Variants in TNXB observed in about 807,000 individuals in gnomAD.
The protein encoded by TNXB is tenascin-X.
Under a neutral mutation model 340.5 loss-of-function variants are expected in TNXB, and 183 were observed. The observed-to-expected ratio is 0.54, with a 90% confidence interval of 0.48 to 0.61. The LOEUF (loss-of-function observed/expected upper bound fraction) is 0.61, where lower values mean the gene tolerates loss of function less well. Ranked by LOEUF, TNXB falls within the 20% of genes least tolerant of loss-of-function variation. The pLI, the probability that TNXB is intolerant of heterozygous loss-of-function variation, is 0.00. For missense variants in TNXB, 4,613 were observed against 5,446.4 expected, an observed-to-expected ratio of 0.85 and a Z score of 4.82; for synonymous variants, 2,121 against 2,314.5, an observed-to-expected ratio of 0.92 and a Z score of 2.40.
In TNXB at chr6:32,069,664, G is replaced by C; in HGVS notation, c.5476C>G (p.Leu1826Val). ...AGGCCCGGCACGCTGACCTCCCTGA[G>C]GCTGCCCTCCACGGGCACCACCTGG... ...QPQVVPVEGS[L>V]REVSVPGLDP... The change falls in exon 15 of 44, where the codon CTC (leucine) becomes GTC (valine). Residue 1826 changes from leucine (L) to valine (V), a missense_variant. Leu to Val is a conservative substitution (Grantham distance 32, BLOSUM62 1). This residue lies in a region of TNXB where 4,327 missense variants were observed against 4,859.4 expected (regional missense o/e 0.89). Transcript: ENST00000644971. The surrounding 1 kb of genome is among the most constrained non-coding windows in gnomAD (Gnocchi z 6.2). 1 of 1,613,144 alleles carries C rather than the reference G, an allele frequency of 6.2e-7. No individual in the cohort carries two copies. The highest frequency in any genetic ancestry group is 8.5e-7 in the Non-Finnish European group (1 of 1,179,630).
chr6:32,048,948 T>A (rs1408582496), intron 28 of TNXB, among the ~76,000 whole-genome samples: 1 of 152,188 alleles, frequency 6.6e-6, no homozygotes, highest in Admixed American at 6.5e-5. Context: ...CATGCAGATC[T>A]GGGCAGCTGG....
In TNXB at chr6:32,107,770, ATGGGGGTTC is replaced by A. The variant is rs1303167823; in HGVS notation, c.-9+1402_-9+1410del. 5.3e-5 allele frequency among the ~76,000 whole-genome samples: 8 copies of A among 151,934 alleles called. 1 individual carries two copies. The highest frequency in any genetic ancestry group is 5.2e-4 in the Admixed American group (8 of 15,244). On this transcript the variant is annotated intron_variant, in intron 1 of 43. Coordinates refer to ENST00000644971, the MANE Select transcript of TNXB (RefSeq NM_001365276.2). ...GGCTTCCATAAAAGATGTTCCACAG[ATGGGGGTTC>A]TGGTCCTGCCCCCATGCCTCCCTCT...
At chr6:32,098,252 C>T in intron 1 of TNXB, 46 bp from the exon 2 acceptor site, 1 of 1,412,202 alleles carries the variant, frequency 7.1e-7, no homozygotes. Context: ...AAAAAGGAGA[C>T]AAAATGAATC....
Position 32,084,454 on chromosome 6 carries a change from C to T in TNXB, c.3404G>A (p.Gly1135Asp). 3.1e-6 allele frequency: 5 copies of T among 1,598,344 alleles called. No homozygotes were observed. Among genetic ancestry groups the T allele is most frequent in the Non-Finnish European group, 3.4e-6 (4 of 1,171,144 alleles). ...KYKFVLYGFV[G>D]KKRHGPLVAE... is the part of the protein sequence containing the mutation. Reference sequence around the variant, plus strand: ...CACCAGCGGACCATGCCTCTTCTTGCCAACAAACCCATACAGGACAAATTT... The same window carrying T: ...CACCAGCGGACCATGCCTCTTCTTGTCAACAAACCCATACAGGACAAATTT... Residue 1135 changes from glycine to aspartate, a missense_variant, in exon 8 of 44, where the codon GGC (glycine) becomes GAC (aspartate). Gly to Asp is a moderately conservative substitution (Grantham distance 94, BLOSUM62 -1). Around this residue, in one of 7 missense-constraint regions of TNXB, gnomAD observed 4,327 missense variants for 4,859.4 expected, o/e 0.89. Transcript: ENST00000644971. The surrounding 1 kb of genome is among the most constrained non-coding windows in gnomAD (Gnocchi z 5.5).
rs763079484 is a variant in TNXB at position 32,097,147 on chromosome 6, G to A, written c.706C>T (p.Arg236Trp). ...GRCVQGVCVC[R>W]AGFSGPDCSQ... ...CAGTCGGGGCCTGAGAAGCCTGCCC[G>A]GCACACACACACGCCCTGCACGCAG... Residue 236 changes from arginine to tryptophan, a missense_variant, in exon 3 of 44, where the codon CGG becomes TGG. Arg to Trp is a moderately radical substitution (Grantham distance 101, BLOSUM62 -3). Coordinates refer to ENST00000644971, the MANE Select transcript of TNXB (RefSeq NM_001365276.2). This position sits in a 1 kb window ranked among gnomAD's most constrained non-coding sequence, Gnocchi z 5.9. 1.6e-5 allele frequency: 25 copies of A among 1,597,474 alleles called. No homozygotes were observed. Among genetic ancestry groups the A allele is most frequent in the Admixed American group, 8.8e-5 (5 of 57,140 alleles).
intron 24 of TNXB, 51 bp downstream of exon 24, chr6:32,055,800 C>T (rs1777586437): frequency 6.4e-7 from 1 of 1,567,798 alleles, no homozygotes; most frequent in Non-Finnish European, 8.7e-7. Flanking sequence ...CATGAAGTTG[C>T]AGAGAAAGCA....
chr6:32,087,197 C>A lies in TNXB; in HGVS notation c.2780-1079G>T. On this transcript the variant is annotated intron_variant, in intron 6 of 43. Transcript: ENST00000644971. The surrounding 1 kb of genome is among the most constrained non-coding windows in gnomAD (Gnocchi z 9.0). Reference sequence around the variant, plus strand: ...AGGAATTCATGAATGCAGGCTCCAACGGCAGGTGAGGCTGGACAAGGGATA... The same window carrying A: ...AGGAATTCATGAATGCAGGCTCCAAAGGCAGGTGAGGCTGGACAAGGGATA... The A allele has an allele frequency of 4.2e-6, 2 of 471,596 alleles. No individual in the cohort carries two copies. Among genetic ancestry groups the A allele is most frequent in the Admixed American group, 4.5e-5 (2 of 44,336 alleles). The allele number at this position is 471,596 out of a possible 1,614,324, so 29.2% of individuals were successfully genotyped here. A position where few individuals can be genotyped will look rare whatever the true frequency, so the allele number is the denominator to read the frequency against.
At position 32,088,976 on chromosome 6, in the gene TNXB, G is replaced by A. The variant is rs1251944211; in HGVS notation, c.2588C>T (p.Pro863Leu). 1 of 1,610,836 alleles carries A rather than the reference G, an allele frequency of 6.2e-7. No individual in the cohort carries two copies. The highest frequency in any genetic ancestry group is 1.3e-5 in the African/African-American group (1 of 74,884). ...PTTLELGWLRPQAEVDRFVVS... is the reference protein window; with the variant it reads ...PTTLELGWLRLQAEVDRFVVS... ...CACAAATCGGTCCACCTCAGCCTGG[G>A]GACGCAGCCAGCCAAGCTCCAGTGT... is the stretch of plus-strand genomic sequence containing the variant. Residue 863 changes from proline (P) to leucine (L), a missense_variant, in exon 6 of 44, where the codon CCC (proline) becomes CTC (leucine). By Grantham distance (98) the Pro-to-Leu change is moderately conservative (BLOSUM62 -3). This residue lies in a region of TNXB where 4,327 missense variants were observed against 4,859.4 expected (regional missense o/e 0.89). Coordinates refer to ENST00000644971, the MANE Select transcript of TNXB (RefSeq NM_001365276.2).
At position 32,062,317 on chromosome 6, in the gene TNXB, C is replaced by G. The variant is rs1778075243; in HGVS notation, c.7008G>C (p.Gln2336His). ...TGGGCTGCCCATCCCCATTCTTGTA[C>G]TGGACCAGGAAGTGGTCAAACTGTC... ...PEGQFDHFLV[Q>H]YKNGDGQPKA... The change falls in exon 20 of 44, where the codon CAG (glutamine) becomes CAC (histidine). Residue 2336 changes from glutamine (Q) to histidine (H), a missense_variant. Around this residue, in one of 7 missense-constraint regions of TNXB, gnomAD observed 4,327 missense variants for 4,859.4 expected, o/e 0.89. Coordinates refer to ENST00000644971, the MANE Select transcript of TNXB (RefSeq NM_001365276.2). The surrounding 1 kb of genome is among the most constrained non-coding windows in gnomAD (Gnocchi z 4.3). 1.2e-6 allele frequency: 2 copies of G among 1,613,542 alleles called. No homozygotes were observed. The highest frequency in any genetic ancestry group is 2.2e-5 in the East Asian group (1 of 44,878).
Position 32,072,125 on chromosome 6 carries a change from G to A in TNXB, c.4855C>T (p.Gln1619Ter). 2 of 1,613,242 alleles carry A rather than the reference G, an allele frequency of 1.2e-6. No individual in the cohort carries two copies. The highest frequency in any genetic ancestry group is 8.5e-7 in the Non-Finnish European group (1 of 1,179,576). ...VQYKDRDGQPQVVPVAADQRE... is the reference protein window; with the variant it reads ...VQYKDRDGQP The stretch of plus-strand genomic sequence containing the variant: ...TGATCTGCAGCCACGGGCACCACCT[G>A]GGGCTGCCCGTCCCTGTCCTTGTAC... Residue 1619 changes from glutamine (Q) to a stop codon, truncating the protein, a stop_gained, in exon 13 of 44, where the codon CAG becomes TAG. Coordinates refer to ENST00000644971, the MANE Select transcript of TNXB (RefSeq NM_001365276.2). LOFTEE classifies it high-confidence loss of function. This position sits in a 1 kb window ranked among gnomAD's most constrained non-coding sequence, Gnocchi z 4.4.
chr6:32,091,215 A>G (rs1780059838), intron 4 of TNXB, among the ~76,000 whole-genome samples: 1 of 151,944 alleles, frequency 6.6e-6, no homozygotes, highest in Non-Finnish European at 1.5e-5. Flanking sequence ...GGTTCAAGCG[A>G]TTCTCCTGCC....
At position 32,050,078 on chromosome 6, in the gene TNXB, G is replaced by A; in HGVS notation, c.9359C>T (p.Pro3120Leu). The A allele has an allele frequency of 1.2e-6, 2 of 1,613,768 alleles. No homozygotes were observed. Among genetic ancestry groups the A allele is most frequent in the Non-Finnish European group, 1.7e-6 (2 of 1,179,884 alleles). ...EDGVTISGLEPDHKYKMNLYG... is the reference protein window; with the variant it reads ...EDGVTISGLELDHKYKMNLYG... ...CAGGTTCATCTTGTATTTATGGTCT[G>A]GCTCCAGGCCTGAGATGGTGACCCC... Residue 3120 changes from proline to leucine, a missense_variant, in exon 27 of 44, where the codon CCA (proline) becomes CTA (leucine). By Grantham distance (98) the Pro-to-Leu change is moderately conservative. Around this residue, in one of 7 missense-constraint regions of TNXB, gnomAD observed 4,327 missense variants for 4,859.4 expected, o/e 0.89. Transcript: ENST00000644971.
Position 32,094,943 on chromosome 6 carries a change from G to A in TNXB, c.2358+133C>T, listed in dbSNP as rs1192313113. The A allele has an allele frequency of 1.1e-5, 8 of 696,384 alleles. No individual in the cohort carries two copies. The Admixed American group carries it at 1.4e-4, about 12-fold the overall frequency. 43.1% of individuals were successfully genotyped at this position (696,384 alleles called of 1,614,324 possible). A position where few individuals can be genotyped will look rare whatever the true frequency, so the allele number is the denominator to read the frequency against. On this transcript the variant is annotated intron_variant, in intron 4 of 43. Transcript: ENST00000644971. Reference sequence around the variant, plus strand: ...GCCCAGTGTCAAGCAGGCTAAGAAAGCCTTTACAGCAGCTTCAGGTACCCA... The same window carrying A: ...GCCCAGTGTCAAGCAGGCTAAGAAAACCTTTACAGCAGCTTCAGGTACCCA...
intron 13 of TNXB, among the ~76,000 whole-genome samples, chr6:32,071,353 C>T (rs1172463603): frequency 6.6e-6 from 1 of 152,084 alleles, no homozygotes; most frequent in Non-Finnish European, 1.5e-5. Context: ...CAAAGACTCT[C>T]AGGAGGTGAT....
Position 32,053,000 on chromosome 6 carries a change from A to G in TNXB, c.8792-7T>C, listed in dbSNP as rs576697896. The stretch of plus-strand genomic sequence containing the variant: ...GGAGTTTCTTCCTCTGCAGCTGAGA[A>G]GAGGGGACAGAGAAGGTGAGGCAGC... On this transcript the variant is annotated splice_polypyrimidine_tract_variant and splice_region_variant and intron_variant, in intron 25 of 43. Transcript: ENST00000644971. The surrounding 1 kb of genome is among the most constrained non-coding windows in gnomAD (Gnocchi z 4.7). 8 of 1,608,498 alleles carry G rather than the reference A, an allele frequency of 5.0e-6. No individual in the cohort carries two copies. The African/African-American group carries it at 8.0e-5, about 16-fold the overall frequency.
chr6:32,077,855 C>A (rs1779166160), intron 11 of TNXB, among the ~76,000 whole-genome samples: 2 of 151,942 alleles, frequency 1.3e-5, no homozygotes, highest in African/African-American at 4.8e-5. Context: ...GGTAAAACCC[C>A]ATCTCTATTA....
intron 23 of TNXB, 149 bp downstream of exon 23, chr6:32,056,436 GC>G: frequency 7.3e-7 from 1 of 1,366,882 alleles, no homozygotes; most frequent in Non-Finnish European, 1.0e-6. Context: ...CCAGGGGTCA[GC>G]CTCAGAGGAA....
chr6:32,049,286 G>A lies in TNXB; in HGVS notation c.9741C>T (p.Ser3247=). 2 of 1,611,092 alleles carry A rather than the reference G, an allele frequency of 1.2e-6. No homozygotes were observed. Among genetic ancestry groups the A allele is most frequent in the Non-Finnish European group, 1.7e-6 (2 of 1,178,986 alleles). ...CCCACTCACCCGTGATGCCCACGGT[G>A]GACACTGGGCCCACGCGCTGCCCCT... ...LHEGQRVGPV[S]TVGITAPLPT... Residue 3247 remains serine, a synonymous_variant, in exon 28 of 44, where the codon TCC becomes TCT. Transcript: ENST00000644971. This position sits in a 1 kb window ranked among gnomAD's most constrained non-coding sequence, Gnocchi z 4.5.
Position 32,069,106 on chromosome 6 carries a change from G to A in TNXB, c.5618C>T (p.Thr1873Met), listed in dbSNP as rs777744859. The stretch of plus-strand genomic sequence containing the variant: ...CTCAGGCGCTGGAGGGGTCGGGGCC[G>A]TGGTCTCAGTTTCCGTTTCTTCCCT... ...AGREETETETTAPTPPAPEPH... is the reference protein window; with the variant it reads ...AGREETETETMAPTPPAPEPH... Residue 1873 changes from threonine to methionine, a missense_variant, in exon 16 of 44, where the codon ACG (threonine) becomes ATG (methionine). By Grantham distance (81) the Thr-to-Met change is moderately conservative. This residue lies in a region of TNXB where 4,327 missense variants were observed against 4,859.4 expected (regional missense o/e 0.89). Coordinates refer to ENST00000644971, the MANE Select transcript of TNXB (RefSeq NM_001365276.2). The surrounding 1 kb of genome is among the most constrained non-coding windows in gnomAD (Gnocchi z 6.2). 13 of 1,610,234 alleles carry A rather than the reference G, an allele frequency of 8.1e-6. No homozygotes were observed. The highest frequency in any genetic ancestry group is 5.5e-5 in the South Asian group (5 of 90,904).
Sources: gnomAD v4.1 joint callset for allele counts (sites outside exome capture counted in the v4.1 genomes callset) on GRCh38, gnomAD v4.1.1 for gene constraint, gnomAD v4.1.1 regional missense constraint, Gnocchi (gnomAD v3.1) non-coding constraint, MANE v1.5 for transcripts, NCBI Gene and HGNC (gene_info 2026-07-23, HGNC 2026-07-21) for gene names.